Variants in B3GNT3 observed in about 807,000 individuals in gnomAD.
B3GNT3 encodes the protein UDP-GlcNAc:betaGal beta-1,3-N-acetylglucosaminyltransferase 3, also known as N-acetyllactosaminide beta-1,3-N-acetylglucosaminyltransferase 3.
A neutral mutation model predicts 11.6 loss-of-function variants in B3GNT3; 7 were observed. That is an observed-to-expected ratio of 0.60 (90% CI 0.34 to 1.13). B3GNT3 has a LOEUF of 1.13. B3GNT3 is among the 50% of genes most tolerant of loss of function. The probability of loss-of-function intolerance (pLI) is 0.03; values close to 1 mark genes in which losing one functional copy is unlikely to be tolerated. For synonymous variants in B3GNT3, 201 were observed against 222.1 expected (o/e 0.90, Z 0.85); for missense variants, 400 against 507.4 (o/e 0.79, Z 2.03).
At chr19:17,796,801 A>G (rs910030122) in intron 1 of B3GNT3, among the ~76,000 whole-genome samples, 3 of 152,138 alleles carry the variant, frequency 2.0e-5, no homozygotes, top group Admixed American at 6.6e-5. Context: ...AATCCAGACA[A>G]GCCAGGTCAG....
chr19:17,806,944 GAA>G (rs374487355), intron 1 of B3GNT3, among the ~76,000 whole-genome samples: 135 of 79,374 alleles, frequency 1.7e-3, no homozygotes, highest in Middle Eastern at 8.9e-3. Flanking sequence ...TCCATCTCAA[GAA>G]AAAAAAAAAA....
rs761837686 is a variant in B3GNT3 at position 17,807,992 on chromosome 19, A to G, written c.185A>G (p.His62Arg). The G allele has an allele frequency of 2.0e-5, 11 of 556,302 alleles. No individual in the cohort carries two copies. The East Asian group carries it at 7.5e-4, about 38-fold the overall frequency. 34.5% of individuals were successfully genotyped at this position (556,302 alleles called of 1,614,324 possible). ...ACCCGCCCAGCCCCGGCCCCGTGCC[A>G]TGCCAACACCTCTATGGTCACCCAC... ...PPTRPAPAPC[H>R]ANTSMVTHPD... Residue 62 changes from histidine to arginine, a missense_variant, in exon 2 of 3, where the codon CAT becomes CGT. His to Arg is a conservative substitution (Grantham distance 29, BLOSUM62 0). Transcript: ENST00000318683.
At chr19:17,803,853 TAA>T (rs11318875) in intron 1 of B3GNT3, among the ~76,000 whole-genome samples, 94 of 140,418 alleles carry the variant, frequency 6.7e-4, no homozygotes, top group Admixed American at 8.7e-4. Context: ...ATCCTATCAC[TAA>T]AAAAAAAAAA....
intron 1 of B3GNT3, among the ~76,000 whole-genome samples, chr19:17,795,438 C>T (rs978781712): frequency 3.9e-5 from 6 of 152,224 alleles, no homozygotes; most frequent in African/African-American, 7.2e-5. Context: ...AAGCCTCCCC[C>T]ACAGCTGGCG....
chr19:17,811,524 A>G lies in B3GNT3; in HGVS notation c.568-47A>G, dbSNP rs1304168893. On this transcript the variant is annotated intron_variant, in intron 2 of 2. Transcript: ENST00000318683. This position sits in a 1 kb window ranked among gnomAD's most constrained non-coding sequence, Gnocchi z 4.1. ...AGTGGCTAATAGAGACCCAAGGCCA[A>G]TTTCTCCAGCCCTCAAGCAAGCATG... is the stretch of plus-strand genomic sequence containing the variant. 6 of 1,551,078 alleles carry G rather than the reference A, an allele frequency of 3.9e-6. No individual in the cohort carries two copies. The East Asian group carries it at 9.1e-5, about 23-fold the overall frequency.
intron 1 of B3GNT3, among the ~76,000 whole-genome samples, chr19:17,803,267 A>G (rs1221957117): frequency 6.6e-6 from 1 of 151,984 alleles, no homozygotes; most frequent in African/African-American, 2.4e-5. Flanking sequence ...TGACCTCCCA[A>G]AGTACCGGGA....
chr19:17,804,489 C>T (rs1157047727), intron 1 of B3GNT3, among the ~76,000 whole-genome samples: 1 of 136,838 alleles, frequency 7.3e-6, no homozygotes, highest in East Asian at 2.4e-4. Flanking sequence ...ATTGCCTCGG[C>T]TTCCCAAAGT....
rs1369928701 is a variant in B3GNT3 at position 17,811,099 on chromosome 19, A to C, written c.568-472A>C. Among the ~76,000 whole-genome samples, 3 of 151,932 alleles carry C rather than the reference A, an allele frequency of 2.0e-5. No individual in the cohort carries two copies. The highest frequency in any genetic ancestry group is 4.4e-5 in the Non-Finnish European group (3 of 68,006). ...AGTAGCGGCATGTGTCTGTAGTACC[A>C]GCTACTTGGGAGGCTGAGGTGGAAG... On this transcript the variant is annotated intron_variant, in intron 2 of 2. Coordinates refer to ENST00000318683, the MANE Select transcript of B3GNT3 (RefSeq NM_014256.4). This position sits in a 1 kb window ranked among gnomAD's most constrained non-coding sequence, Gnocchi z 4.1.
intron 1 of B3GNT3, among the ~76,000 whole-genome samples, chr19:17,803,871 A>ATT (rs771767228): frequency 0.26 from 38,931 of 147,882 alleles, 5,073 homozygotes; most frequent in African/African-American, 0.34. Context: ...AAAAAAAAAA[A>ATT]TTTTTAATTA....
chr19:17,795,924 G>A (rs1173805306), intron 1 of B3GNT3, among the ~76,000 whole-genome samples: 2 of 152,136 alleles, frequency 1.3e-5, no homozygotes, highest in African/African-American at 2.4e-5. Context: ...ACCTTGGCGA[G>A]GATGAGTTGA....
chr19:17,805,822 GCAT>G (rs2094172343), intron 1 of B3GNT3, among the ~76,000 whole-genome samples: 1 of 151,718 alleles, frequency 6.6e-6, no homozygotes, highest in African/African-American at 2.4e-5. Flanking sequence ...TTTTGAGACA[GCAT>G]CTTGCTCTGT....
intron 1 of B3GNT3, among the ~76,000 whole-genome samples, chr19:17,798,659 C>T (rs1234856511): frequency 2.7e-5 from 4 of 148,888 alleles, no homozygotes; most frequent in East Asian, 2.0e-4. Flanking sequence ...CAACAGAGTG[C>T]GGCTCTGTCT....
rs933327561 is a variant in B3GNT3, at chr19:17,811,516, C to A, written c.568-55C>A. 6.5e-7 allele frequency: 1 copy of A among 1,537,146 alleles called. No homozygotes were observed. Among genetic ancestry groups the A allele is most frequent in the African/African-American group, 1.4e-5 (1 of 73,202 alleles). On this transcript the variant is annotated intron_variant, in intron 2 of 2. Coordinates refer to ENST00000318683, the MANE Select transcript of B3GNT3 (RefSeq NM_014256.4). The surrounding 1 kb of genome is among the most constrained non-coding windows in gnomAD (Gnocchi z 4.1). ...TGGGCTGGAGTGGCTAATAGAGACC[C>A]AAGGCCAATTTCTCCAGCCCTCAAG...
Position 17,811,479 on chromosome 19 carries a change from T to A in B3GNT3, c.568-92T>A, listed in dbSNP as rs112243978. The A allele has an allele frequency of 1.4e-5, 19 of 1,323,106 alleles. No individual in the cohort carries two copies. Among genetic ancestry groups the A allele is most frequent in the African/African-American group, 1.2e-4 (8 of 67,760 alleles). The allele number at this position is 1,323,106 out of a possible 1,614,324, so 82.0% of individuals were successfully genotyped here. A position where few individuals can be genotyped will look rare whatever the true frequency, so the allele number is the denominator to read the frequency against. On this transcript the variant is annotated intron_variant, in intron 2 of 2. Coordinates refer to ENST00000318683, the MANE Select transcript of B3GNT3 (RefSeq NM_014256.4). The surrounding 1 kb of genome is among the most constrained non-coding windows in gnomAD (Gnocchi z 4.1). ...CAGGCTGGATTGTGGACACTTCCTT[T>A]CCTGGGCTTAGTGGGCTGGAGTGGC...
chr19:17,802,943 G>A (rs2094168100), intron 1 of B3GNT3, among the ~76,000 whole-genome samples: 1 of 151,780 alleles, frequency 6.6e-6, no homozygotes, highest in South Asian at 2.1e-4. Flanking sequence ...TCTTGCTTCA[G>A]CCTCCTAAAG....
chr19:17,808,088 T>C lies in B3GNT3; in HGVS notation c.281T>C (p.Leu94Pro). The change falls in exon 2 of 3, where the codon CTG (leucine) becomes CCG (proline). Residue 94 changes from leucine to proline, a missense_variant. Physicochemically the swap from Leu to Pro is moderately conservative, Grantham distance 98 (BLOSUM62 -3). Coordinates refer to ENST00000318683, the MANE Select transcript of B3GNT3 (RefSeq NM_014256.4). ...LLYRHCRHFP[L>P]LQDVPPSKCA... ...TACAGACACTGCCGCCACTTTCCCCTGCTGCAGGACGTGCCCCCCTCTAAG... is the reference window on the plus strand; with the variant it reads ...TACAGACACTGCCGCCACTTTCCCCCGCTGCAGGACGTGCCCCCCTCTAAG... 1 of 1,612,612 alleles carries C rather than the reference T, an allele frequency of 6.2e-7. No individual in the cohort carries two copies. Among genetic ancestry groups the C allele is most frequent in the Non-Finnish European group, 8.5e-7 (1 of 1,179,802 alleles).
rs2094181257 is a variant in B3GNT3, at chr19:17,811,833, G to A, written c.830G>A (p.Arg277His). Residue 277 changes from arginine (R) to histidine (H), a missense_variant, in exon 3 of 3, where the codon CGC becomes CAC. By Grantham distance (29) the Arg-to-His change is conservative. Transcript: ENST00000318683. This position sits in a 1 kb window ranked among gnomAD's most constrained non-coding sequence, Gnocchi z 4.1. ...YCGGGGFLLS[R>H]FTAAALRRAA... ...GGGGGTGGTGGCTTCTTGCTGTCCC[G>A]CTTCACGGCCGCTGCCCTGCGCCGT... 4 of 1,614,044 alleles carry A rather than the reference G, an allele frequency of 2.5e-6. No homozygotes were observed. The highest frequency in any genetic ancestry group is 2.2e-5 in the East Asian group (1 of 44,892).
intron 1 of B3GNT3, among the ~76,000 whole-genome samples, chr19:17,806,884 G>A (rs971985696): frequency 2.0e-5 from 3 of 151,170 alleles, no homozygotes; most frequent in Admixed American, 6.6e-5. Flanking sequence ...TGCAGGAGGC[G>A]GAGGTTGAAG....
In B3GNT3 at chr19:17,811,675, G is replaced by A; in HGVS notation, c.672G>A (p.Leu224=). The A allele has an allele frequency of 6.2e-7, 1 of 1,614,234 alleles. No individual in the cohort carries two copies. Among genetic ancestry groups the A allele is most frequent in the Non-Finnish European group, 8.5e-7 (1 of 1,180,038 alleles). Residue 224 remains leucine, a synonymous_variant, in exon 3 of 3, where the codon CTG becomes CTA. Transcript: ENST00000318683. This position sits in a 1 kb window ranked among gnomAD's most constrained non-coding sequence, Gnocchi z 4.1. ...FAHTDNMVFY[L]QDHDPGRHLF... is the part of the protein sequence containing the mutation. ...ACACAGACAACATGGTCTTCTACCT[G>A]CAGGACCATGACCCTGGCCGCCACC...
Sources: allele counts gnomAD v4.1 joint callset (sites outside exome capture counted in the v4.1 genomes callset), GRCh38; gene constraint gnomAD v4.1.1; non-coding constraint Gnocchi (gnomAD v3.1); transcripts MANE v1.5; gene names NCBI Gene and HGNC (gene_info 2026-07-23, HGNC 2026-07-21).